NALCN: variants seen among roughly 807,000 people sequenced by gnomAD.
NALCN encodes the protein sodium leak channel, non-selective.
Under a neutral mutation model 225.3 loss-of-function variants are expected in NALCN, and 111 were observed. That is an observed-to-expected ratio of 0.49 (90% confidence interval 0.42 to 0.58). NALCN has a LOEUF of 0.58. Among genes scored for constraint, NALCN ranks in the 20% least tolerant of loss-of-function variants. The probability of loss-of-function intolerance (pLI) is 0.00; values close to 1 mark genes in which losing one functional copy is unlikely to be tolerated. For missense variants in NALCN, 1,378 were observed against 2,202.4 expected, an observed-to-expected ratio of 0.63 and a Z score of 7.49; for synonymous variants, 764 against 769.0, an observed-to-expected ratio of 0.99 and a Z score of 0.11.
At chr13:101,167,249 G>A (rs2038483189) in intron 15 of NALCN, among the ~76,000 whole-genome samples, 1 of 152,170 alleles carries the variant, frequency 6.6e-6, no homozygotes, top group African/African-American at 2.4e-5. Flanking sequence ...TCTGCAAAAA[G>A]CGTCATTGGA....
chr13:101,142,138 C>CTTTTTTT lies in NALCN; in HGVS notation c.2118+935_2118+941dup, dbSNP rs33925974. Reference sequence around the variant, plus strand: ...TATACCTAGATAATACATTCTATGTCTTTTTTTTTTTTTTTTTTTTTGAGA... The same window carrying CTTTTTTT: ...TATACCTAGATAATACATTCTATGTCTTTTTTTTTTTTTTTTTTTTTTTTTTTTGAGA... On this transcript the variant is annotated intron_variant, in intron 17 of 43. Transcript: ENST00000251127. 3.2e-4 allele frequency among the ~76,000 whole-genome samples: 31 copies of CTTTTTTT among 97,026 alleles called. 2 individuals are homozygous for CTTTTTTT. Among genetic ancestry groups the CTTTTTTT allele is most frequent in the African/African-American group, 5.0e-4 (12 of 24,224 alleles). 63.7% of individuals were successfully genotyped at this position (97,026 alleles called of 152,430 possible).
intron 15 of NALCN, among the ~76,000 whole-genome samples, chr13:101,155,905 TTC>T (rs2037877447): frequency 6.6e-6 from 1 of 152,208 alleles, no homozygotes; most frequent in East Asian, 1.9e-4. Flanking sequence ...AATGGCAATT[TTC>T]TGTTTACTTC....
At chr13:101,284,945 T>C (rs1274856796) in intron 9 of NALCN, among the ~76,000 whole-genome samples, 2 of 152,170 alleles carry the variant, frequency 1.3e-5, no homozygotes, top group African/African-American at 4.8e-5. Flanking sequence ...GTGTGTATGG[T>C]AGGAATAGGG....
intron 17 of NALCN, among the ~76,000 whole-genome samples, chr13:101,139,514 C>T (rs528162850): frequency 3.2e-4 from 49 of 152,120 alleles, no homozygotes; most frequent in Non-Finnish European, 6.5e-4. Flanking sequence ...TGAGAATCAC[C>T]GATAAACCAG....
chr13:101,125,696 G>A (rs1377567975), intron 17 of NALCN, among the ~76,000 whole-genome samples: 1 of 152,172 alleles, frequency 6.6e-6, no homozygotes, highest in Non-Finnish European at 1.5e-5. Flanking sequence ...AGCTCTCTGC[G>A]GTGGAACAGC....
intron 12 of NALCN, among the ~76,000 whole-genome samples, chr13:101,232,715 G>A (rs2041400438): frequency 6.6e-6 from 1 of 151,996 alleles, no homozygotes; most frequent in Non-Finnish European, 1.5e-5. Flanking sequence ...CAAAGTGCTG[G>A]GATTACAGGT....
chr13:101,061,198 A>G (rs1294485345), intron 41 of NALCN, among the ~76,000 whole-genome samples: 1 of 152,188 alleles, frequency 6.6e-6, no homozygotes, highest in Non-Finnish European at 1.5e-5. Context: ...TTATAGGCTT[A>G]TAAGTCAGGA....
chr13:101,273,902 A>G (rs9513876), intron 10 of NALCN, among the ~76,000 whole-genome samples: 67,442 of 144,724 alleles, frequency 0.47, 16,376 homozygotes, highest in Non-Finnish European at 0.51. Flanking sequence ...AAAAAAAAAA[A>G]AAAAAGAAAA....
At chr13:101,278,877 C>G (rs2043053116) in intron 10 of NALCN, among the ~76,000 whole-genome samples, 1 of 152,188 alleles carries the variant, frequency 6.6e-6, no homozygotes, top group African/African-American at 2.4e-5. Flanking sequence ...ACAGTCTATT[C>G]AATTTCTAGT....
intron 7 of NALCN, among the ~76,000 whole-genome samples, chr13:101,319,302 A>G (rs1765959): frequency 0.41 from 62,015 of 151,806 alleles, 13,010 homozygotes; most frequent in Middle Eastern, 0.48. Context: ...AGCCTCTCCC[A>G]CCTATTGTTC....
intron 28 of NALCN, 98 bp from the exon 29 acceptor site, chr13:101,090,064 G>A (rs2034142957): frequency 6.6e-7 from 1 of 1,517,922 alleles, no homozygotes; most frequent in African/African-American, 1.4e-5. Context: ...TGGGATATGT[G>A]TGTGTGTGTG....
intron 7 of NALCN, among the ~76,000 whole-genome samples, chr13:101,305,575 T>C (rs2044127639): frequency 6.6e-6 from 1 of 152,220 alleles, no homozygotes; most frequent in Admixed American, 6.5e-5. Flanking sequence ...ATCAAAAGGC[T>C]AATATTCAAG....
intron 7 of NALCN, among the ~76,000 whole-genome samples, chr13:101,296,457 A>T (rs2043759905): frequency 6.6e-6 from 1 of 152,226 alleles, no homozygotes; most frequent in African/African-American, 2.4e-5. Flanking sequence ...ATATATAAAC[A>T]TAAAAACCCA....
At chr13:101,240,437 T>C (rs2041717869) in intron 11 of NALCN, among the ~76,000 whole-genome samples, 1 of 152,064 alleles carries the variant, frequency 6.6e-6, no homozygotes, top group Non-Finnish European at 1.5e-5. Flanking sequence ...TTTCTCTATA[T>C]TGACCTTCTG....
intron 15 of NALCN, among the ~76,000 whole-genome samples, chr13:101,173,656 G>T (rs2038840366): frequency 6.6e-6 from 1 of 152,142 alleles, no homozygotes; most frequent in Admixed American, 6.5e-5. Context: ...AGTTTGAACG[G>T]AGCAAAGATG....
rs74117883 is a variant in NALCN, at chr13:101,354,763, T to G, written c.645-9343A>C. Among the ~76,000 whole-genome samples, 1,112 of 152,354 alleles carry G rather than the reference T, an allele frequency of 7.3e-3. 13 individuals carry two copies. Among genetic ancestry groups the G allele is most frequent in the African/African-American group, 0.025 (1,053 of 41,586 alleles). On this transcript the variant is annotated intron_variant, in intron 6 of 43. Transcript: ENST00000251127. Reference sequence around the variant, plus strand: ...TCAAAATATATTTATGTTAATTGAATGTGGTTTGACTGAGTTGTATGGCTG... The same window carrying G: ...TCAAAATATATTTATGTTAATTGAAGGTGGTTTGACTGAGTTGTATGGCTG...
chr13:101,176,658 G>C (rs1222898961), intron 14 of NALCN, among the ~76,000 whole-genome samples: 2 of 152,152 alleles, frequency 1.3e-5, no homozygotes, highest in African/African-American at 2.4e-5. Context: ...AATCCCACTT[G>C]TGTGATAATA....
chr13:101,148,946 GAA>G (rs2037493482), intron 15 of NALCN, among the ~76,000 whole-genome samples: 1 of 9,992 alleles, frequency 1.0e-4, no homozygotes. Context: ...CGTTTAACCT[GAA>G]CTGATGTCTG....
chr13:101,154,191 A>G (rs1031055397), intron 15 of NALCN, among the ~76,000 whole-genome samples: 7 of 152,188 alleles, frequency 4.6e-5, no homozygotes, highest in African/African-American at 7.2e-5. Context: ...ATGCAATGTC[A>G]TCGATGAGGA....
Sources: gnomAD v4.1 joint callset for allele counts (sites outside exome capture counted in the v4.1 genomes callset) on GRCh38, gnomAD v4.1.1 for gene constraint, MANE v1.5 for transcripts, NCBI Gene and HGNC (gene_info 2026-07-23, HGNC 2026-07-21) for gene names.